ARHGAP21: variants seen among roughly 807,000 people sequenced by gnomAD.
The protein encoded by ARHGAP21 is Rho GTPase activating protein 21.
In ARHGAP21, 38 loss-of-function variants were observed where a neutral mutation model predicts 164.6. The ratio of observed to expected loss-of-function variants is 0.23; its 90% CI spans 0.18 to 0.30. The LOEUF (loss-of-function observed/expected upper bound fraction) is 0.30, where lower values mean the gene tolerates loss of function less well. Ranked by LOEUF, ARHGAP21 falls within the 10% of genes least tolerant of loss-of-function variation. The pLI, the probability that ARHGAP21 is intolerant of heterozygous loss-of-function variation, is 1.00. For synonymous variants in ARHGAP21, 766 were observed against 857.9 expected, an observed-to-expected ratio of 0.89 and a Z score of 1.87; for missense variants, 1,822 against 2,370.7, an observed-to-expected ratio of 0.77 and a Z score of 4.81.
chr10:24,585,511 G>A lies in ARHGAP21; in HGVS notation c.4778C>T (p.Ala1593Val), dbSNP rs751762258. Reference protein sequence around the residue: ...ITSDYSTTSSATYLTSLDSSR... With the variant: ...ITSDYSTTSSVTYLTSLDSSR... ...GGAGTCCAGGCTAGTCAAGTATGTA[G>A]CAGACGATGTGGTGGAATAATCTGA... Residue 1593 changes from alanine to valine, a missense_variant, in exon 26 of 26, where the codon GCT (alanine) becomes GTT (valine). Ala to Val is a moderately conservative substitution (Grantham distance 64, BLOSUM62 0). Around this residue, in one of 5 missense-constraint regions of ARHGAP21, gnomAD observed 333 missense variants for 383.9 expected, o/e 0.87. Transcript: ENST00000396432. 14 of 1,614,192 alleles carry A rather than the reference G, an allele frequency of 8.7e-6. No homozygotes were observed. Among genetic ancestry groups the A allele is most frequent in the African/African-American group, 1.3e-5 (1 of 75,046 alleles).
intron 13 of ARHGAP21, 57 bp from the exon 14 acceptor site, chr10:24,600,987 G>GT (rs2076790573): frequency 6.4e-7 from 1 of 1,565,558 alleles, no homozygotes; most frequent in Non-Finnish European, 8.7e-7. Context: ...CTTTGTGACA[G>GT]GATAAGCACA....
At chr10:24,668,636 A>G (rs1840415386) in intron 3 of ARHGAP21, among the ~76,000 whole-genome samples, 1 of 151,866 alleles carries the variant, frequency 6.6e-6, no homozygotes, top group Non-Finnish European at 1.5e-5. Context: ...GTCTTTATTT[A>G]CAAGTTTGGT....
intron 17 of ARHGAP21, 122 bp downstream of exon 17, chr10:24,596,618 C>A: frequency 7.3e-7 from 1 of 1,367,466 alleles, no homozygotes. Flanking sequence ...AAACTAAGGT[C>A]TGCTATGAAA....
intron 2 of ARHGAP21, among the ~76,000 whole-genome samples, chr10:24,675,651 C>G (rs948536240): frequency 6.6e-5 from 10 of 152,016 alleles, no homozygotes; most frequent in African/African-American, 2.2e-4. Context: ...AAGTGGTTAT[C>G]CTGAGGGGAT....
chr10:24,663,120 A>G (rs1207377271), intron 4 of ARHGAP21, among the ~76,000 whole-genome samples: 2 of 152,164 alleles, frequency 1.3e-5, no homozygotes, highest in South Asian at 2.1e-4. Flanking sequence ...TCCCCTGGGT[A>G]TATCAAGGGA....
In ARHGAP21 at chr10:24,721,943, C is replaced by T. The variant is rs1217070827; in HGVS notation, c.-44G>A. 4 of 1,605,164 alleles carry T rather than the reference C, an allele frequency of 2.5e-6. No homozygotes were observed. Among genetic ancestry groups the T allele is most frequent in the East Asian group, 2.2e-5 (1 of 44,816 alleles). On this transcript the variant is annotated 5_prime_UTR_variant, in exon 2 of 26. It adds an upstream start codon to the 5' untranslated region. Coordinates refer to ENST00000396432, the MANE Select transcript of ARHGAP21 (RefSeq NM_020824.4). ...GAAGGGACAAATCCTTTGGAGTCCACATTGGACGTGGCGGGGAATGCCACC... is the reference window on the plus strand; with the variant it reads ...GAAGGGACAAATCCTTTGGAGTCCATATTGGACGTGGCGGGGAATGCCACC...
In ARHGAP21 at chr10:24,641,997, GAA is replaced by G. The variant is rs202129015; in HGVS notation, c.269-6896_269-6895del. Among the ~76,000 whole-genome samples, 143 of 113,496 alleles carry G rather than the reference GAA, an allele frequency of 1.3e-3. 1 individual carries two copies. Among genetic ancestry groups the G allele is most frequent in the African/African-American group, 4.2e-3 (136 of 32,240 alleles). 74.5% of individuals were successfully genotyped at this position (113,496 alleles called of 152,430 possible). ...GGTGACAGAGCGAGACTCCATCTTGGAAAAAAAAAAAAAAAAGTTTTACCGTG... is the reference window on the plus strand; with the variant it reads ...GGTGACAGAGCGAGACTCCATCTTGGAAAAAAAAAAAAAAGTTTTACCGTG... On this transcript the variant is annotated intron_variant, in intron 4 of 25. Coordinates refer to ENST00000396432, the MANE Select transcript of ARHGAP21 (RefSeq NM_020824.4).
intron 2 of ARHGAP21, among the ~76,000 whole-genome samples, chr10:24,694,255 T>C (rs950265905): frequency 5.9e-5 from 9 of 152,210 alleles, no homozygotes; most frequent in African/African-American, 2.2e-4. Context: ...TAACATAAAT[T>C]CCCATTCCCT....
At position 24,722,138 on chromosome 10, in the gene ARHGAP21, A is replaced by G. The variant is rs1845994688; in HGVS notation, c.-239T>C. On this transcript the variant is annotated 5_prime_UTR_variant, in exon 2 of 26. Transcript: ENST00000396432. ...TTCTTCTTCCATTTCTGGAGACTTA[A>G]AAACAAAGGCGACAGGTCTTCTTGG... 2 of 559,554 alleles carry G rather than the reference A, an allele frequency of 3.6e-6. No individual in the cohort carries two copies. Among genetic ancestry groups the G allele is most frequent in the Non-Finnish European group, 6.4e-6 (2 of 311,096 alleles). The allele number at this position is 559,554 out of a possible 1,614,324, so 34.7% of individuals were successfully genotyped here.
intron 2 of ARHGAP21, among the ~76,000 whole-genome samples, chr10:24,696,448 T>C (rs1024028125): frequency 6.6e-6 from 1 of 152,160 alleles, no homozygotes; most frequent in African/African-American, 2.4e-5. Flanking sequence ...TTTTCGCCAA[T>C]GAGTGGGAAA....
intron 4 of ARHGAP21, among the ~76,000 whole-genome samples, chr10:24,654,807 G>A (rs1265289807): frequency 1.3e-5 from 2 of 152,142 alleles, no homozygotes; most frequent in African/African-American, 4.8e-5. Context: ...AGCCTGCATT[G>A]CCAAGACAAT....
At chr10:24,593,964 G>C (rs1049797326) in intron 21 of ARHGAP21, among the ~76,000 whole-genome samples, 46 of 151,856 alleles carry the variant, frequency 3.0e-4, no homozygotes, top group Admixed American at 9.2e-4. Flanking sequence ...TGATTTGCAG[G>C]TAATAGAGGT....
chr10:24,720,618 T>A (rs1417762140), intron 2 of ARHGAP21, among the ~76,000 whole-genome samples: 2 of 152,258 alleles, frequency 1.3e-5, no homozygotes, highest in Non-Finnish European at 1.5e-5. Context: ...ATAAACTTTC[T>A]AATTCGACAT....
At position 24,622,718 on chromosome 10, in the gene ARHGAP21, C is replaced by G. The variant is rs377066108; in HGVS notation, c.525+15G>C. On this transcript the variant is annotated intron_variant, in intron 8 of 25. Coordinates refer to ENST00000396432, the MANE Select transcript of ARHGAP21 (RefSeq NM_020824.4). ...GACTTAAAAAGCAAGGAAATGGCTA[C>G]TGTGCATTTCTTACCAGTGCTGTGA... 4.4e-6 allele frequency: 7 copies of G among 1,606,118 alleles called. No individual in the cohort carries two copies. The African/African-American group carries it at 8.0e-5, about 18-fold the overall frequency.
intron 4 of ARHGAP21, among the ~76,000 whole-genome samples, chr10:24,639,919 C>CAA (rs56817024): frequency 0.022 from 3,231 of 148,990 alleles, 58 homozygotes; most frequent in East Asian, 0.068. Flanking sequence ...ATTAAGTATA[C>CAA]AAAAAAAAAC....
At chr10:24,604,378 C>CAATT in intron 11 of ARHGAP21, 30 bp from the exon 12 acceptor site, 1 of 1,473,928 alleles carries the variant, frequency 6.8e-7, no homozygotes, top group Non-Finnish European at 9.3e-7. Context: ...TAAATATTTT[C>CAATT]AATTAGTGCA....
chr10:24,652,363 A>T (rs1838267148), intron 4 of ARHGAP21, among the ~76,000 whole-genome samples: 1 of 152,214 alleles, frequency 6.6e-6, no homozygotes, highest in South Asian at 2.1e-4. Flanking sequence ...CTTTAGGCTT[A>T]ATTGTGAATA....
At chr10:24,721,729 C>G in intron 2 of ARHGAP21, 108 bp downstream of exon 2, 1 of 1,304,750 alleles carries the variant, frequency 7.7e-7, no homozygotes, top group South Asian at 1.3e-5. Flanking sequence ...AGGCTCAAAG[C>G]CCCGGGAAGC....
intron 11 of ARHGAP21, 194 bp downstream of exon 11, chr10:24,607,305 T>G: frequency 1.7e-6 from 1 of 596,782 alleles, no homozygotes; most frequent in Non-Finnish European, 2.9e-6. Context: ...ATTTAACATA[T>G]TTTTCTACCA....
Sources: allele counts gnomAD v4.1 joint callset (sites outside exome capture counted in the v4.1 genomes callset), GRCh38; gene constraint gnomAD v4.1.1; regional missense constraint gnomAD v4.1.1; transcripts MANE v1.5; gene names NCBI Gene and HGNC (gene_info 2026-07-23, HGNC 2026-07-21).